USP45: variants seen among roughly 807,000 people sequenced by gnomAD.
The protein encoded by USP45 is ubiquitin specific peptidase 45, also known as ubiquitin carboxyl-terminal hydrolase 45.
In USP45, 89 loss-of-function variants were observed where a neutral mutation model predicts 95.8. That is an observed-to-expected ratio of 0.93 (90% CI 0.78 to 1.11). The LOEUF (loss-of-function observed/expected upper bound fraction) is 1.11. Among genes scored for constraint, USP45 ranks in the 50% least tolerant of loss-of-function variants. USP45 has a pLI of 0.00. For synonymous variants in USP45, 281 were observed against 316.2 expected (o/e 0.89, Z 1.18); for missense variants, 898 against 942.5 (o/e 0.95, Z 0.62).
intron 3 of USP45, among the ~76,000 whole-genome samples, chr6:99,508,312 A>G (rs1389668951): frequency 1.3e-5 from 2 of 152,244 alleles, no homozygotes; most frequent in South Asian, 4.1e-4. Flanking sequence ...TTAATCTGAA[A>G]GGTAGATCCA....
chr6:99,481,872 C>CT (rs1320547962), intron 8 of USP45, among the ~76,000 whole-genome samples: 1 of 152,128 alleles, frequency 6.6e-6, no homozygotes, highest in Non-Finnish European at 1.5e-5. Context: ...GTGCTAAAAA[C>CT]TTTTTAACTC....
chr6:99,507,834 AC>A (rs1798866561), intron 3 of USP45, among the ~76,000 whole-genome samples: 3 of 152,218 alleles, frequency 2.0e-5, no homozygotes, highest in South Asian at 4.1e-4. Context: ...CCTTCTGCAA[AC>A]ACACATTTCC....
At chr6:99,447,328 A>G (rs1033190204) in intron 13 of USP45, among the ~76,000 whole-genome samples, 1 of 152,218 alleles carries the variant, frequency 6.6e-6, no homozygotes, top group African/African-American at 2.4e-5. Flanking sequence ...TAAAGAAAAG[A>G]CTATCATGAG....
chr6:99,510,918 A>C (rs890361326), intron 1 of USP45, among the ~76,000 whole-genome samples: 1 of 152,166 alleles, frequency 6.6e-6, no homozygotes, highest in Non-Finnish European at 1.5e-5. Context: ...GCTAGCAAGG[A>C]AATAGTAGGA....
rs1041096503 is a variant in USP45, at chr6:99,475,352, C to G, written c.933+791G>C. Among the ~76,000 whole-genome samples, 3 of 146,872 alleles carry G rather than the reference C, an allele frequency of 2.0e-5. No individual in the cohort carries two copies. In the Admixed American group the frequency reaches 2.1e-4, roughly 10 times the overall value. ...TTTTTTTTTTTACAGCGTTTCACTC[C>G]GTCACCCAGGCTGGAGTGCAGTGGC... is the stretch of plus-strand genomic sequence containing the variant. On this transcript the variant is annotated intron_variant, in intron 9 of 17. Coordinates refer to ENST00000500704, the MANE Select transcript of USP45 (RefSeq NM_001346022.3).
At chr6:99,442,892 T>TACAATTGTATAAAC (rs1454344871) in intron 15 of USP45, among the ~76,000 whole-genome samples, 7 of 152,040 alleles carry the variant, frequency 4.6e-5, no homozygotes, top group Non-Finnish European at 8.8e-5. Flanking sequence ...GTTTTCTTGA[T>TACAATTGTATAAAC]AATTTGTTTT....
At chr6:99,452,121 C>T (rs1014429217) in intron 13 of USP45, among the ~76,000 whole-genome samples, 1 of 152,146 alleles carries the variant, frequency 6.6e-6, no homozygotes, top group African/African-American at 2.4e-5. Context: ...TAGGCATGGG[C>T]AAGGACTTCA....
intron 9 of USP45, among the ~76,000 whole-genome samples, chr6:99,469,620 T>C (rs1371659543): frequency 4.6e-5 from 7 of 151,244 alleles, no homozygotes; most frequent in Non-Finnish European, 1.0e-4. Context: ...CCTGGGACTA[T>C]AGGCACACAC....
intron 5 of USP45, among the ~76,000 whole-genome samples, chr6:99,493,051 C>T (rs572681095): frequency 1.5e-3 from 228 of 150,554 alleles, no homozygotes; most frequent in African/African-American, 5.4e-3. Context: ...TTCTTTGAGA[C>T]GGAGTCTCAT....
chr6:99,490,083 T>G (rs776291143), intron 5 of USP45, among the ~76,000 whole-genome samples: 1 of 152,224 alleles, frequency 6.6e-6, no homozygotes, highest in Non-Finnish European at 1.5e-5. Context: ...ATTATGATAA[T>G]TTGAAGTTTG....
chr6:99,435,704 T>C lies in USP45; in HGVS notation c.*12A>G. The stretch of plus-strand genomic sequence containing the variant: ...AAAAACAAATGACCTAAATAATCAT[T>C]ACCATTAATAGTTATAATACTCTTT... On this transcript the variant is annotated 3_prime_UTR_variant, in exon 18 of 18. Transcript: ENST00000500704. 2 of 1,605,910 alleles carry C rather than the reference T, an allele frequency of 1.2e-6. No homozygotes were observed. Among genetic ancestry groups the C allele is most frequent in the Non-Finnish European group, 1.7e-6 (2 of 1,176,212 alleles).
rs112671344 is a variant in USP45 at position 99,445,817 on chromosome 6, T to C, written c.1955A>G (p.Gln652Arg). 1,328 of 1,578,578 alleles carry C rather than the reference T, an allele frequency of 8.4e-4. 7 individuals are homozygous for C. The East Asian group carries it at 9.4e-3, about 11-fold the overall frequency. The change falls in exon 14 of 18, where the codon CAA becomes CGA. Residue 652 changes from glutamine to arginine, a missense_variant. Gln to Arg is a conservative substitution (Grantham distance 43, BLOSUM62 1). Transcript: ENST00000500704. ...ATTACCTGCAAAACTGGTTTCTTCT[T>C]GGTACTTCTGTTTGTTTTTAGTACA... ...ENCTKNKQKY[Q>R]EETSFAEKKV...
intron 1 of USP45, among the ~76,000 whole-genome samples, chr6:99,510,744 G>A (rs559062696): frequency 6.6e-6 from 1 of 152,240 alleles, no homozygotes; most frequent in East Asian, 1.9e-4. Flanking sequence ...ATAAGTCTGT[G>A]TTGTTTAAAC....
At chr6:99,502,013 C>A (rs1797482508) in intron 5 of USP45, 4 of 1,296,816 alleles carry the variant, frequency 3.1e-6, no homozygotes, top group Non-Finnish European at 3.0e-6. Flanking sequence ...CCTGGCCCTG[C>A]CAGAAAGACC....
chr6:99,439,421 G>A (rs2063380930), intron 16 of USP45, among the ~76,000 whole-genome samples: 2 of 152,156 alleles, frequency 1.3e-5, no homozygotes, highest in African/African-American at 2.4e-5. Flanking sequence ...ACAGAACTCC[G>A]CAAATGGTAA....
At chr6:99,474,258 TG>T (rs547225763) in intron 9 of USP45, among the ~76,000 whole-genome samples, 34 of 152,294 alleles carry the variant, frequency 2.2e-4, no homozygotes, top group African/African-American at 7.9e-4. Context: ...AGTGCAGTGG[TG>T]CGATCACAGC....
intron 15 of USP45, among the ~76,000 whole-genome samples, chr6:99,441,669 A>T (rs1334358385): frequency 6.6e-6 from 1 of 152,114 alleles, no homozygotes; most frequent in Non-Finnish European, 1.5e-5. Flanking sequence ...ACACTACTAC[A>T]TCTTTGCTAA....
chr6:99,497,838 T>A (rs1378219987), intron 5 of USP45, among the ~76,000 whole-genome samples: 2 of 152,174 alleles, frequency 1.3e-5, no homozygotes, highest in East Asian at 1.9e-4. Flanking sequence ...TTTTCAGCTG[T>A]CTAGACTTGC....
intron 8 of USP45, among the ~76,000 whole-genome samples, chr6:99,481,103 C>CA (rs1337386270): frequency 1.3e-5 from 2 of 152,002 alleles, no homozygotes; most frequent in Admixed American, 6.6e-5. Context: ...CTAAAAAATA[C>CA]AAAAAATACA....
Sources: allele counts gnomAD v4.1 joint callset (sites outside exome capture counted in the v4.1 genomes callset), GRCh38; gene constraint gnomAD v4.1.1; transcripts MANE v1.5; gene names NCBI Gene and HGNC (gene_info 2026-07-23, HGNC 2026-07-21).